ACTR8: variants seen among roughly 807,000 people sequenced by gnomAD.
The protein encoded by ACTR8 is actin related protein 8, also known as actin-related protein 8.
ACTR8 carries 70 observed loss-of-function variants against 84.3 expected under a neutral mutation model. The ratio of observed to expected loss-of-function variants is 0.83; its 90% confidence interval spans 0.68 to 1.01. The LOEUF (loss-of-function observed/expected upper bound fraction) is 1.01, where lower values mean the gene tolerates loss of function less well. ACTR8 is among the 50% of genes least tolerant of loss of function. ACTR8 has a pLI of 0.00. For synonymous variants in ACTR8, 268 were observed against 275.2 expected, an observed-to-expected ratio of 0.97 and a Z score of 0.26; for missense variants, 672 against 775.4, an observed-to-expected ratio of 0.87 and a Z score of 1.58.
At chr3:53,879,549 C>T (rs1230397670) in intron 2 of ACTR8, among the ~76,000 whole-genome samples, 1 of 152,058 alleles carries the variant, frequency 6.6e-6, no homozygotes, top group East Asian at 1.9e-4. Flanking sequence ...TTGTAACAAT[C>T]TAATTTGCTA....
the ACTR8 span, chr3:53,859,034 CTT>C: frequency 2.1e-6 from 1 of 474,630 alleles, no homozygotes; most frequent in African/African-American, 1.9e-5. Context: ...ACTCGTGACT[CTT>C]TACAAAGCAG....
chr3:53,859,199 C>G, the ACTR8 span: 1 of 160,394 alleles, frequency 6.2e-6, no homozygotes, highest in Non-Finnish European at 1.4e-5. Context: ...CTCAGTGGCC[C>G]AGGATGAGCT....
In ACTR8 at chr3:53,868,753, C is replaced by T. The variant is rs749439312; in HGVS notation, c.1841G>A (p.Arg614His). ...AAACGCAGCCCGCTCTCGTAACATGCGGACACCAAAGCGCTGCCACTCTCG... is the reference window on the plus strand; with the variant it reads ...AAACGCAGCCCGCTCTCGTAACATGTGGACACCAAAGCGCTGCCACTCTCG... ...YQREWQRFGV[R>H]MLRERAAFVW Residue 614 changes from arginine (R) to histidine (H), a missense_variant, in exon 13 of 13, where the codon CGC becomes CAC. Physicochemically the swap from Arg to His is conservative, Grantham distance 29. Coordinates refer to ENST00000335754, the MANE Select transcript of ACTR8 (RefSeq NM_022899.5). 2.2e-5 allele frequency: 36 copies of T among 1,614,082 alleles called. No individual in the cohort carries two copies. The highest frequency in any genetic ancestry group is 2.8e-5 in the Non-Finnish European group (33 of 1,180,036).
At chr3:53,880,729 T>C (rs1456780144) in intron 1 of ACTR8, among the ~76,000 whole-genome samples, 1 of 152,214 alleles carries the variant, frequency 6.6e-6, no homozygotes, top group Non-Finnish European at 1.5e-5. Context: ...TGGCTGGGCC[T>C]CCAACACTTC....
Position 53,868,729 on chromosome 3 carries a change from AACG to A in ACTR8, c.1862_1864del (p.Ala621_Phe622delinsVal), listed in dbSNP as rs753169136. On this transcript the variant is annotated inframe_deletion, in exon 13 of 13. Transcript: ENST00000335754. ...ACATTTCCTCCCCATTCACCACACA[AACG>A]CAGCCCGCTCTCGTAACATGCGGAC... is the stretch of plus-strand genomic sequence containing the variant. 1.2e-6 allele frequency: 2 copies of A among 1,614,052 alleles called. No homozygotes were observed. The highest frequency in any genetic ancestry group is 1.7e-6 in the Non-Finnish European group (2 of 1,179,984).
rs1439663320 is a variant in ACTR8 at position 53,879,955 on chromosome 3, A to G, written c.278T>C (p.Leu93Pro). 1 of 1,612,934 alleles carries G rather than the reference A, an allele frequency of 6.2e-7. No individual in the cohort carries two copies. The highest frequency in any genetic ancestry group is 8.5e-7 in the Non-Finnish European group (1 of 1,179,124). Residue 93 changes from leucine to proline, a missense_variant, in exon 2 of 13, where the codon CTA becomes CCA. By Grantham distance (98) the Leu-to-Pro change is moderately conservative. Coordinates refer to ENST00000335754, the MANE Select transcript of ACTR8 (RefSeq NM_022899.5). ...TTGACTTACATTTAGTCCCTCCCTT[A>G]GGAGCCAACTGTCCTTGTATAGGGG... ...GQPLYKDSWL[L>P]REGLNKPESN...
chr3:53,877,265 T>G lies in ACTR8; in HGVS notation c.633A>C (p.Ile211=), dbSNP rs1168135890. 1.2e-6 allele frequency: 2 copies of G among 1,613,866 alleles called. No individual in the cohort carries two copies. The change falls in exon 5 of 13, where the codon ATA becomes ATC. Residue 211 remains isoleucine (I), a synonymous_variant. Coordinates refer to ENST00000335754, the MANE Select transcript of ACTR8 (RefSeq NM_022899.5). ...AGTATTTTTGTATCGCATGAGACCA[T>G]ATTACTTCAATATCTGCCAGAACAG... ...LTAVLADIEV[I]WSHAIQKYLE...
intron 9 of ACTR8, 93 bp from the exon 10 acceptor site, chr3:53,872,617 C>T: frequency 7.2e-7 from 1 of 1,395,410 alleles, no homozygotes; most frequent in African/African-American, 1.5e-5. Flanking sequence ...ACAAAACTGG[C>T]AGATCAGATT....
rs1402251760 is a variant in ACTR8 at position 53,868,802 on chromosome 3, T to A, written c.1792A>T (p.Thr598Ser). ...GGAVLACLDT[T>S]QELWIYQREW... ...CGCTGATAAATCCACAGTTCCTGTG[T>A]TGTATCCAAACAAGCCAACACTGCC... Residue 598 changes from threonine (T) to serine (S), a missense_variant, in exon 13 of 13, where the codon ACA (threonine) becomes TCA (serine). By Grantham distance (58) the Thr-to-Ser change is moderately conservative. Coordinates refer to ENST00000335754, the MANE Select transcript of ACTR8 (RefSeq NM_022899.5). The A allele has an allele frequency of 1.2e-6, 2 of 1,614,226 alleles. No homozygotes were observed. The highest frequency in any genetic ancestry group is 3.3e-5 in the Admixed American group (2 of 60,032).
At chr3:53,865,084 C>CT (rs768551820), downstream of ACTR8, 2 of 1,614,102 alleles carry the variant, frequency 1.2e-6, no homozygotes, top group Non-Finnish European at 1.7e-6. Flanking sequence ...TGCCTTTAAC[C>CT]TTTTCTGCAG....
downstream of ACTR8, chr3:53,864,913 A>T: frequency 6.2e-7 from 1 of 1,614,256 alleles, no homozygotes; most frequent in Admixed American, 1.7e-5. Flanking sequence ...GCAGAAAAAG[A>T]AAATAGCAGA....
intron 6 of ACTR8, among the ~76,000 whole-genome samples, chr3:53,876,361 T>C (rs1234479266): frequency 6.6e-6 from 1 of 151,674 alleles, no homozygotes; most frequent in East Asian, 1.9e-4. Flanking sequence ...TACTAAAAAA[T>C]ACAAAAAATT....
In ACTR8 at chr3:53,879,939, A is replaced by G; in HGVS notation, c.294T>C (p.Asn98=). The change falls in exon 2 of 13, where the codon AAT becomes AAC. Residue 98 remains asparagine (N), a splice_region_variant and synonymous_variant. Transcript: ENST00000335754. ...TCTCTCCAGGTCGTTTTTGACTTACATTTAGTCCCTCCCTTAGGAGCCAAC... is the reference window on the plus strand; with the variant it reads ...TCTCTCCAGGTCGTTTTTGACTTACGTTTAGTCCCTCCCTTAGGAGCCAAC... The part of the protein sequence containing the change: ...KDSWLLREGL[N]KPESNEQRQN... The G allele has an allele frequency of 6.2e-7, 1 of 1,609,338 alleles. No homozygotes were observed. Among genetic ancestry groups the G allele is most frequent in the Non-Finnish European group, 8.5e-7 (1 of 1,176,492 alleles).
At chr3:53,880,416 C>G (rs1300316148) in intron 1 of ACTR8, among the ~76,000 whole-genome samples, 1 of 152,124 alleles carries the variant, frequency 6.6e-6, no homozygotes, top group African/African-American at 2.4e-5. Flanking sequence ...AGAAATGTTG[C>G]TATAGAATCC....
rs949244723 is a variant in ACTR8, at chr3:53,870,071, G to A, written c.1642C>T (p.Gln548Ter). Residue 548 changes from glutamine (Q) to a stop codon, truncating the protein, a stop_gained, in exon 12 of 13, where the codon CAA becomes TAA. Coordinates refer to ENST00000335754, the MANE Select transcript of ACTR8 (RefSeq NM_022899.5). LOFTEE classifies it high-confidence loss of function. This position sits in a 1 kb window ranked among gnomAD's most constrained non-coding sequence, Gnocchi z 4.1. ...VGGGLMFHKA[Q>*]EFLQHRILNK... is the part of the protein sequence containing the mutation. ...AGAATTCTGTGCTGCAGAAATTCTTGAGCTTTATGAAACATCAAACCACCT... is the reference window on the plus strand; with the variant it reads ...AGAATTCTGTGCTGCAGAAATTCTTAAGCTTTATGAAACATCAAACCACCT... 6.8e-6 allele frequency: 11 copies of A among 1,614,154 alleles called. No homozygotes were observed. The highest frequency in any genetic ancestry group is 8.5e-6 in the Non-Finnish European group (10 of 1,180,030).
intron 9 of ACTR8, among the ~76,000 whole-genome samples, chr3:53,872,772 T>A (rs939730992): frequency 2.0e-5 from 3 of 152,188 alleles, no homozygotes; most frequent in African/African-American, 4.8e-5. Context: ...ATCAAGTACC[T>A]CAAAATCTAC....
Position 53,880,064 on chromosome 3 carries a change from T to C in ACTR8, c.169A>G (p.Thr57Ala), listed in dbSNP as rs1414474990. The part of the protein sequence containing the change: ...FIIVIHPGST[T>A]LRIGRATDTL... ...TCTGTGGCTCGACCAATCCTTAAAG[T>C]TGTTGAACCTGGATGTATGACAATG... Residue 57 changes from threonine to alanine, a missense_variant, in exon 2 of 13, where the codon ACT (threonine) becomes GCT (alanine). Coordinates refer to ENST00000335754, the MANE Select transcript of ACTR8 (RefSeq NM_022899.5). The C allele has an allele frequency of 6.2e-7, 1 of 1,614,160 alleles. No homozygotes were observed. The highest frequency in any genetic ancestry group is 1.1e-5 in the South Asian group (1 of 91,074).
chr3:53,870,288 G>C lies in ACTR8; in HGVS notation c.1568-143C>G, dbSNP rs2107050913. 1.1e-6 allele frequency: 1 copy of C among 923,196 alleles called. No individual in the cohort carries two copies. 57.2% of individuals were successfully genotyped at this position (923,196 alleles called of 1,614,324 possible). A position where few individuals can be genotyped will look rare whatever the true frequency, so the allele number is the denominator to read the frequency against. On this transcript the variant is annotated intron_variant, in intron 11 of 12. Coordinates refer to ENST00000335754, the MANE Select transcript of ACTR8 (RefSeq NM_022899.5). The surrounding 1 kb of genome is among the most constrained non-coding windows in gnomAD (Gnocchi z 4.1). ...CCCACCCTCCACACTGCAGCCAGGG[G>C]AACCCTACGAAACACAAATGTAGGC...
At chr3:53,865,590 G>C (rs28385752), downstream of ACTR8, 1,919 of 364,976 alleles carry the variant, frequency 5.3e-3, 22 homozygotes, top group African/African-American at 0.033. Flanking sequence ...AGCATCTTCA[G>C]CCAAACATCT....
Sources: gnomAD v4.1 joint callset for allele counts (sites outside exome capture counted in the v4.1 genomes callset) on GRCh38, gnomAD v4.1.1 for gene constraint, Gnocchi (gnomAD v3.1) non-coding constraint, MANE v1.5 for transcripts, NCBI Gene and HGNC (gene_info 2026-07-23, HGNC 2026-07-21) for gene names.